The following HTR1F variants were observed in gnomAD, a reference collection of about 807,000 sequenced individuals.
The protein encoded by HTR1F is 5-hydroxytryptamine (serotonin) receptor 1F, G protein-coupled.
HTR1F carries 17 observed loss-of-function variants against 24.0 expected under a neutral mutation model. That is an observed-to-expected ratio of 0.71 (90% CI 0.48 to 1.06). HTR1F has a LOEUF of 1.06. HTR1F is among the 50% of genes least tolerant of loss of function. HTR1F has a pLI of 0.00. For synonymous variants in HTR1F, 186 were observed against 156.8 expected (o/e 1.19, Z -1.39); for missense variants, 391 against 427.8 (o/e 0.91, Z 0.76).
chr3:87,929,710 A>C (rs1704215019), intron 2 of HTR1F, among the ~76,000 whole-genome samples: 1 of 152,120 alleles, frequency 6.6e-6, no homozygotes, highest in Admixed American at 6.6e-5. Context: ...TAGCCTTGTA[A>C]GATAGTTTGA....
chr3:87,854,212 T>C (rs894621901), intron 2 of HTR1F, among the ~76,000 whole-genome samples: 2 of 152,028 alleles, frequency 1.3e-5, no homozygotes, highest in African/African-American at 2.4e-5. Context: ...GAAAATTCTT[T>C]TAGTGTTTCT....
intron 2 of HTR1F, among the ~76,000 whole-genome samples, chr3:87,863,927 A>G (rs982502982): frequency 6.6e-6 from 1 of 152,316 alleles, no homozygotes; most frequent in Non-Finnish European, 1.5e-5. Flanking sequence ...TTTTCTGAAG[A>G]CCTTCAACCC....
At chr3:87,917,747 T>A (rs1279127101) in intron 2 of HTR1F, among the ~76,000 whole-genome samples, 25 of 145,324 alleles carry the variant, frequency 1.7e-4, no homozygotes, top group African/African-American at 5.7e-4. Context: ...AAAAAAAAAA[T>A]GTCCAGGACC....
intron 2 of HTR1F, among the ~76,000 whole-genome samples, chr3:87,872,589 T>A (rs1705582140): frequency 6.6e-6 from 1 of 151,554 alleles, no homozygotes; most frequent in Non-Finnish European, 1.5e-5. Flanking sequence ...ATACAATAAA[T>A]TTAAAAAATG....
chr3:87,881,587 C>G (rs911956447), intron 2 of HTR1F, among the ~76,000 whole-genome samples: 5 of 152,108 alleles, frequency 3.3e-5, no homozygotes, highest in Non-Finnish European at 5.9e-5. Flanking sequence ...TTTGACAAAC[C>G]TGAGAAAAAC....
chr3:87,977,393 C>CTTT (rs34070984), intron 2 of HTR1F, among the ~76,000 whole-genome samples: 50 of 73,084 alleles, frequency 6.8e-4, no homozygotes, highest in African/African-American at 2.1e-3. Flanking sequence ...GAAGCTGAGA[C>CTTT]TTTTTTTTTT....
chr3:87,871,660 C>G (rs2932281), intron 2 of HTR1F, among the ~76,000 whole-genome samples: 7 of 151,688 alleles, frequency 4.6e-5, no homozygotes, highest in African/African-American at 1.7e-4. Flanking sequence ...CTTGAAAGCC[C>G]CAAGAAGAAA....
chr3:87,804,745 A>C (rs1355755549), intron 1 of HTR1F, among the ~76,000 whole-genome samples: 1 of 152,100 alleles, frequency 6.6e-6, no homozygotes, highest in Non-Finnish European at 1.5e-5. Flanking sequence ...GTTTCATAGA[A>C]ATTATTGATA....
chr3:87,937,225 C>T (rs1704446550), intron 2 of HTR1F, among the ~76,000 whole-genome samples: 1 of 152,066 alleles, frequency 6.6e-6, no homozygotes, highest in Non-Finnish European at 1.5e-5. Flanking sequence ...ATGCAAAAAT[C>T]CTCAACAAAA....
intron 2 of HTR1F, among the ~76,000 whole-genome samples, chr3:87,902,575 TTTTG>T (rs1449199336): frequency 1.2e-4 from 18 of 152,246 alleles, no homozygotes; most frequent in Middle Eastern, 3.4e-3. Context: ...AATTTCTTTT[TTTTG>T]TTTGTTTGTT....
intron 2 of HTR1F, among the ~76,000 whole-genome samples, chr3:87,977,562 C>T (rs1033018363): frequency 1.3e-5 from 2 of 150,928 alleles, no homozygotes; most frequent in African/African-American, 4.9e-5. Context: ...GCACGCCCAG[C>T]TAATTTTTTT....
intron 2 of HTR1F, among the ~76,000 whole-genome samples, chr3:87,920,656 T>C (rs1703994931): frequency 6.6e-6 from 1 of 151,948 alleles, no homozygotes; most frequent in Non-Finnish European, 1.5e-5. Flanking sequence ...TTCTCACTTA[T>C]AAATGGGAGC....
chr3:87,899,679 A>G (rs1706279472), intron 2 of HTR1F, among the ~76,000 whole-genome samples: 1 of 152,078 alleles, frequency 6.6e-6, no homozygotes, highest in African/African-American at 2.4e-5. Flanking sequence ...ACTGGCCAAC[A>G]TAGTGAAACC....
intron 2 of HTR1F, among the ~76,000 whole-genome samples, chr3:87,879,426 C>T (rs1705740234): frequency 6.6e-6 from 1 of 152,126 alleles, no homozygotes. Flanking sequence ...CCCTCCATAA[C>T]TTTACAGAGG....
chr3:87,870,164 G>C (rs150803057), intron 2 of HTR1F, among the ~76,000 whole-genome samples: 2 of 152,152 alleles, frequency 1.3e-5, no homozygotes, highest in East Asian at 3.9e-4. Context: ...AACTATAAGT[G>C]AGTTTTCTAT....
At chr3:87,899,296 G>T (rs1468479809) in intron 2 of HTR1F, among the ~76,000 whole-genome samples, 1 of 152,034 alleles carries the variant, frequency 6.6e-6, no homozygotes, top group Non-Finnish European at 1.5e-5. Flanking sequence ...TATATTTTAG[G>T]TTCACTTTTC....
chr3:87,853,471 T>C (rs1172247623), intron 2 of HTR1F, among the ~76,000 whole-genome samples: 1 of 152,154 alleles, frequency 6.6e-6, no homozygotes, highest in Non-Finnish European at 1.5e-5. Context: ...AGTCTATCAT[T>C]GATTGGCATT....
At chr3:87,893,441 A>T (rs1706127086) in intron 2 of HTR1F, among the ~76,000 whole-genome samples, 1 of 152,198 alleles carries the variant, frequency 6.6e-6, no homozygotes, top group Non-Finnish European at 1.5e-5. Context: ...ATCCTAATAC[A>T]TCCTTAGATT....
chr3:87,908,600 A>T (rs1703714707), intron 2 of HTR1F, among the ~76,000 whole-genome samples: 1 of 152,058 alleles, frequency 6.6e-6, no homozygotes, highest in Non-Finnish European at 1.5e-5. Flanking sequence ...TTAGAGAAAG[A>T]ATTTTATAAA....
Sources: allele counts gnomAD v4.1 joint callset (sites outside exome capture counted in the v4.1 genomes callset), GRCh38; gene constraint gnomAD v4.1.1; transcripts MANE v1.5; gene names NCBI Gene and HGNC (gene_info 2026-07-23, HGNC 2026-07-21).